PIGF: variants seen among roughly 807,000 people sequenced by gnomAD.
PIGF encodes the protein phosphatidylinositol glycan anchor biosynthesis class F.
In PIGF, 23 loss-of-function variants were observed where a neutral mutation model predicts 26.0. The ratio of observed to expected loss-of-function variants is 0.88; its 90% CI spans 0.64 to 1.25. The LOEUF (loss-of-function observed/expected upper bound fraction) is 1.25. Ranked by LOEUF, PIGF falls within the 50% of genes most tolerant of loss-of-function variation. The pLI is 0.00. For synonymous variants in PIGF, 93 were observed against 92.6 expected (o/e 1.00, Z -0.03); for missense variants, 278 against 249.9 (o/e 1.11, Z -0.76).
intron 4 of PIGF, among the ~76,000 whole-genome samples, chr2:46,601,506 A>T (rs2104107087): frequency 6.6e-6 from 1 of 152,206 alleles, no homozygotes; most frequent in Non-Finnish European, 1.5e-5. Flanking sequence ...AATAGATTTA[A>T]TTTTTTGAAC....
At chr2:46,615,891 C>T (rs1007852144) in intron 1 of PIGF, 1 of 152,108 alleles carries the variant, frequency 6.6e-6, no homozygotes, top group African/African-American at 2.4e-5. Context: ...ATTACCGTCT[C>T]TAAAATACAC....
At chr2:46,581,769 A>C (rs1033305664) in intron 5 of PIGF, 178 bp from the exon 6 acceptor site, 6 of 867,500 alleles carry the variant, frequency 6.9e-6, no homozygotes, top group African/African-American at 1.7e-5. Context: ...ATTTTAGTTA[A>C]TGTGCATTAA....
At position 46,588,121 on chromosome 2, in the gene PIGF, A is replaced by C; in HGVS notation, c.546+4354T>G. 6.2e-7 allele frequency: 1 copy of C among 1,611,032 alleles called. No individual in the cohort carries two copies. The highest frequency in any genetic ancestry group is 8.5e-7 in the Non-Finnish European group (1 of 1,178,522). ...TTAAGTTACTCATTTCACAGTACCA[A>C]GCCCCCTGCAGGGTACATGGAGAGA... On this transcript the variant is annotated intron_variant, in intron 5 of 5. Transcript: ENST00000281382. This position sits in a 1 kb window ranked among gnomAD's most constrained non-coding sequence, Gnocchi z 4.1.
At chr2:46,613,313 G>C (rs1256295447) in intron 3 of PIGF, among the ~76,000 whole-genome samples, 1 of 151,994 alleles carries the variant, frequency 6.6e-6, no homozygotes, top group East Asian at 1.9e-4. Flanking sequence ...ATTGACTTTT[G>C]TTAAGAAAAA....
intron 4 of PIGF, among the ~76,000 whole-genome samples, chr2:46,602,887 AT>A (rs913632812): frequency 1.3e-5 from 2 of 151,956 alleles, no homozygotes; most frequent in Non-Finnish European, 2.9e-5. Context: ...AGAGAAAAAA[AT>A]AAAGGGCATC....
chr2:46,615,251 G>A (rs1186321421), intron 1 of PIGF, 66 bp from the exon 2 acceptor site: 3 of 709,178 alleles, frequency 4.2e-6, no homozygotes, highest in Non-Finnish European at 7.4e-6. Flanking sequence ...TAAATGTTTT[G>A]ACCCCTAAAA....
intron 5 of PIGF, among the ~76,000 whole-genome samples, chr2:46,592,208 G>A (rs1029078171): frequency 4.6e-5 from 7 of 151,934 alleles, no homozygotes; most frequent in South Asian, 2.1e-4. Context: ...TAAACAAACC[G>A]CCTATATACA....
rs1045722332 is a variant in PIGF, at chr2:46,592,725, A to T, written c.438-142T>A. ...ATCTCAAAATGACATATACATATTT[A>T]CCATGAACTATTAATAGTTAATTGG... On this transcript the variant is annotated intron_variant, in intron 4 of 5. Coordinates refer to ENST00000281382, the MANE Select transcript of PIGF (RefSeq NM_002643.4). 8.5e-6 allele frequency: 5 copies of T among 585,738 alleles called. No homozygotes were observed. In the East Asian group the frequency reaches 1.1e-4, roughly 13 times the overall value. 36.3% of individuals were successfully genotyped at this position (585,738 alleles called of 1,614,324 possible). A position where few individuals can be genotyped will look rare whatever the true frequency, so the allele number is the denominator to read the frequency against.
chr2:46,613,818 G>C, intron 2 of PIGF, 33 bp from the exon 3 acceptor site: 1 of 1,493,840 alleles, frequency 6.7e-7, no homozygotes, highest in South Asian at 1.2e-5. Flanking sequence ...GAAGATTCAA[G>C]ATAATGCTTA....
At chr2:46,599,302 AT>A (rs1049226629) in intron 4 of PIGF, among the ~76,000 whole-genome samples, 8 of 152,142 alleles carry the variant, frequency 5.3e-5, no homozygotes, top group Non-Finnish European at 2.9e-5. Context: ...TCATTCAATT[AT>A]TTTCTTGATA....
Position 46,588,341 on chromosome 2 carries a change from C to T in PIGF, c.546+4134G>A, listed in dbSNP as rs78648708. The T allele has an allele frequency of 1.1e-3, 1,004 of 903,026 alleles. 9 individuals carry two copies. The African/African-American group carries it at 0.016, about 14-fold the overall frequency. 55.9% of individuals were successfully genotyped at this position (903,026 alleles called of 1,614,324 possible). On this transcript the variant is annotated intron_variant, in intron 5 of 5. Transcript: ENST00000281382. This position sits in a 1 kb window ranked among gnomAD's most constrained non-coding sequence, Gnocchi z 4.1. ...CAAACTGAGACAATTAACATATTCTCTAATATATGAGAACTCAAATAAATC... is the reference window on the plus strand; with the variant it reads ...CAAACTGAGACAATTAACATATTCTTTAATATATGAGAACTCAAATAAATC...
intron 4 of PIGF, 129 bp from the exon 5 acceptor site, chr2:46,592,712 C>A (rs1334651592): frequency 5.1e-6 from 3 of 593,378 alleles, no homozygotes; most frequent in Non-Finnish European, 9.3e-6. Context: ...CTCAAAATGA[C>A]ATATACATAT....
chr2:46,602,436 C>T (rs1670089083), intron 4 of PIGF, among the ~76,000 whole-genome samples: 1 of 151,826 alleles, frequency 6.6e-6, no homozygotes, highest in African/African-American at 2.4e-5. Flanking sequence ...AGTATATAAA[C>T]TTATTTCACT....
chr2:46,609,030 CCT>C, intron 4 of PIGF, among the ~76,000 whole-genome samples: 1 of 152,340 alleles, frequency 6.6e-6, no homozygotes, highest in Non-Finnish European at 1.5e-5. Flanking sequence ...ACTGACTTCT[CCT>C]CTCTAACTTT....
chr2:46,615,316 G>T, intron 1 of PIGF, 131 bp from the exon 2 acceptor site: 1 of 560,430 alleles, frequency 1.8e-6, no homozygotes, highest in South Asian at 2.1e-5. Context: ...AAACACAAAA[G>T]ATGCAGACGT....
At chr2:46,612,635 T>C (rs866933931) in intron 3 of PIGF, among the ~76,000 whole-genome samples, 3 of 150,140 alleles carry the variant, frequency 2.0e-5, no homozygotes, top group African/African-American at 7.3e-5. Flanking sequence ...AATCCATTTC[T>C]AGATAGTTAG....
intron 5 of PIGF, among the ~76,000 whole-genome samples, chr2:46,585,797 G>A (rs1466499929): frequency 4.6e-5 from 7 of 150,604 alleles, no homozygotes; most frequent in Non-Finnish European, 7.4e-5. Flanking sequence ...TTTTTGAGAC[G>A]GACTCTCGCT....
chr2:46,602,130 C>A (rs1670078914), intron 4 of PIGF, among the ~76,000 whole-genome samples: 1 of 151,864 alleles, frequency 6.6e-6, no homozygotes, highest in Non-Finnish European at 1.5e-5. Context: ...AAGAAGCTGG[C>A]AGAATATTTT....
At chr2:46,616,539 C>A (rs1670636954) in intron 1 of PIGF, 1 of 153,164 alleles carries the variant, frequency 6.5e-6, no homozygotes, top group Non-Finnish European at 1.5e-5. Context: ...GCCCCCAGGA[C>A]GCCTGCAGAA....
Sources: allele counts gnomAD v4.1 joint callset (sites outside exome capture counted in the v4.1 genomes callset), GRCh38; gene constraint gnomAD v4.1.1; non-coding constraint Gnocchi (gnomAD v3.1); transcripts MANE v1.5; gene names NCBI Gene and HGNC (gene_info 2026-07-23, HGNC 2026-07-21).